WIPF1: variants seen among roughly 807,000 people sequenced by gnomAD.
WIPF1 encodes the protein WAS/WASL interacting protein family member 1.
Under a neutral mutation model 35.4 loss-of-function variants are expected in WIPF1, and 13 were observed. That is an observed-to-expected ratio of 0.37 (90% CI 0.24 to 0.58). The LOEUF (loss-of-function observed/expected upper bound fraction) is 0.58, where lower values mean the gene tolerates loss of function less well. Among genes scored for constraint, WIPF1 ranks in the 20% least tolerant of loss-of-function variants. The pLI, the probability that WIPF1 is intolerant of heterozygous loss-of-function variation, is 0.74. For missense variants in WIPF1, 591 were observed against 667.0 expected, an observed-to-expected ratio of 0.89 and a Z score of 1.25; for synonymous variants, 267 against 266.3, an observed-to-expected ratio of 1.00 and a Z score of -0.02.
At chr2:174,606,911 T>C (rs1295349913) in intron 1 of WIPF1, among the ~76,000 whole-genome samples, 1 of 152,112 alleles carries the variant, frequency 6.6e-6, no homozygotes, top group Non-Finnish European at 1.5e-5. Flanking sequence ...CCAGATACGG[T>C]TCTGGATGCT....
chr2:174,574,906 A>G (rs1574795467), intron 4 of WIPF1: 3 of 717,176 alleles, frequency 4.2e-6, no homozygotes, highest in South Asian at 1.5e-5. Flanking sequence ...AGCAAGTTCT[A>G]TTTGCTCCTC....
intron 1 of WIPF1, among the ~76,000 whole-genome samples, chr2:174,652,774 G>T (rs1159652245): frequency 2.0e-5 from 3 of 150,022 alleles, no homozygotes; most frequent in African/African-American, 7.4e-5. Flanking sequence ...TTTGCCTTAA[G>T]GTATGTAAAT....
intron 2 of WIPF1, among the ~76,000 whole-genome samples, chr2:174,582,531 C>G (rs891293748): frequency 2.0e-5 from 3 of 152,174 alleles, no homozygotes; most frequent in Admixed American, 6.5e-5. Context: ...TGGCTCAATA[C>G]CTTACCCAGC....
chr2:174,611,499 T>C (rs1180773258), intron 1 of WIPF1, among the ~76,000 whole-genome samples: 1 of 152,148 alleles, frequency 6.6e-6, no homozygotes, highest in East Asian at 1.9e-4. Flanking sequence ...GACTTTAAGG[T>C]GGTATCAGGA....
chr2:174,655,753 G>A (rs926319572), intron 1 of WIPF1: 1 of 152,468 alleles, frequency 6.6e-6, no homozygotes, highest in Non-Finnish European at 1.5e-5. Flanking sequence ...TTCCAGCCCA[G>A]ACTCACCACA....
chr2:174,638,126 G>A (rs1055652559), intron 1 of WIPF1, among the ~76,000 whole-genome samples: 7 of 151,342 alleles, frequency 4.6e-5, no homozygotes, highest in South Asian at 2.1e-4. Context: ...TAGCATGTGC[G>A]GACATTAAAA....
chr2:174,599,210 G>A (rs1685914019), upstream of WIPF1, among the ~76,000 whole-genome samples: 1 of 152,188 alleles, frequency 6.6e-6, no homozygotes, highest in Non-Finnish European at 1.5e-5. Context: ...GGGAATGGTG[G>A]GGGCAGGGGC....
In WIPF1 at chr2:174,581,147, A is replaced by G. The variant is rs569445614; in HGVS notation, c.181+163T>C. On this transcript the variant is annotated intron_variant, in intron 3 of 7. Transcript: ENST00000679041. ...GCAGCATTAGAGGGGAACCCAAGCC[A>G]AAGCTGCGGCCTACAGGGAGTGATA... 35 of 975,698 alleles carry G rather than the reference A, an allele frequency of 3.6e-5. No homozygotes were observed. In the South Asian group the frequency reaches 6.7e-4, roughly 19 times the overall value. 60.4% of individuals were successfully genotyped at this position (975,698 alleles called of 1,614,324 possible).
intron 1 of WIPF1, among the ~76,000 whole-genome samples, chr2:174,643,665 C>A (rs1687343911): frequency 6.6e-6 from 1 of 151,768 alleles, no homozygotes; most frequent in East Asian, 1.9e-4. Context: ...CCACCTTGGC[C>A]TCCCAAAGTT....
chr2:174,593,074 A>G (rs910735315), intron 1 of WIPF1, among the ~76,000 whole-genome samples: 2 of 152,096 alleles, frequency 1.3e-5, no homozygotes, highest in African/African-American at 2.4e-5. Context: ...AAGATGAAAA[A>G]AAAAAGCACT....
At chr2:174,669,061 T>C (rs888371777) in intron 1 of WIPF1, among the ~76,000 whole-genome samples, 7 of 152,344 alleles carry the variant, frequency 4.6e-5, no homozygotes, top group Middle Eastern at 3.4e-3. Context: ...GCATTTAGAA[T>C]TTTACCTGGT....
chr2:174,647,509 G>A (rs2105956305), intron 1 of WIPF1, among the ~76,000 whole-genome samples: 1 of 152,190 alleles, frequency 6.6e-6, no homozygotes, highest in Non-Finnish European at 1.5e-5. Flanking sequence ...GAGTAGCTGG[G>A]ATTACAGGCG....
chr2:174,624,626 G>T (rs1211918226), intron 1 of WIPF1, among the ~76,000 whole-genome samples: 1 of 152,198 alleles, frequency 6.6e-6, no homozygotes, highest in Non-Finnish European at 1.5e-5. Flanking sequence ...ATGAGGCACA[G>T]GCACTAACCA....
At chr2:174,572,923 C>T (rs1223877234) in intron 4 of WIPF1, among the ~76,000 whole-genome samples, 1 of 152,024 alleles carries the variant, frequency 6.6e-6, no homozygotes, top group African/African-American at 2.4e-5. Context: ...AATGTGAGGG[C>T]TTATCTAGTC....
At chr2:174,641,469 C>T (rs1687292382) in intron 1 of WIPF1, among the ~76,000 whole-genome samples, 1 of 152,200 alleles carries the variant, frequency 6.6e-6, no homozygotes, top group Non-Finnish European at 1.5e-5. Context: ...CAGGAGTCCC[C>T]TCTCTGTGGC....
intron 1 of WIPF1, among the ~76,000 whole-genome samples, chr2:174,661,026 A>G (rs114357951): frequency 1.5e-3 from 225 of 152,362 alleles, no homozygotes; most frequent in African/African-American, 4.9e-3. Flanking sequence ...AGGCATCTCA[A>G]TATCTTCCCT....
Position 174,597,609 on chromosome 2 carries a change from G to C in WIPF1, c.-47C>G, listed in dbSNP as rs1036694466. 1 of 152,594 alleles carries C rather than the reference G, an allele frequency of 6.6e-6. No individual in the cohort carries two copies. Among genetic ancestry groups the C allele is most frequent in the Non-Finnish European group, 1.5e-5 (1 of 68,040 alleles). The allele number at this position is 152,594 out of a possible 1,614,324, so 9.5% of individuals were successfully genotyped here. ...AATATAATTTTTCTTACCGTTAAAG[G>C]GTACTGCAGGGAGCCATGGTCAGGG... On this transcript the variant is annotated 5_prime_UTR_variant, in exon 1 of 8. Coordinates refer to ENST00000679041, the MANE Select transcript of WIPF1 (RefSeq NM_001375834.1).
intron 1 of WIPF1, among the ~76,000 whole-genome samples, chr2:174,641,864 A>G (rs1351551287): frequency 6.6e-6 from 1 of 152,234 alleles, no homozygotes; most frequent in East Asian, 1.9e-4. Flanking sequence ...TAATCCTGTG[A>G]GGTAGGTACT....
Position 174,617,869 on chromosome 2 carries a change from T to C in WIPF1, c.-38-32258A>G, listed in dbSNP as rs564185129. ...ATATCAGAAAGTAGACAAACTGCAA[T>C]GTGACCTGATGCAGAGGTGGAAAGG... On this transcript the variant is annotated intron_variant, in intron 1 of 8. Transcript: ENST00000272746. 9.2e-5 allele frequency among the ~76,000 whole-genome samples: 14 copies of C among 152,352 alleles called. No homozygotes were observed. In the South Asian group the frequency reaches 1.7e-3, roughly 18 times the overall value.
Sources: gnomAD v4.1 joint callset for allele counts (sites outside exome capture counted in the v4.1 genomes callset) on GRCh38, gnomAD v4.1.1 for gene constraint, MANE v1.5 for transcripts, NCBI Gene and HGNC (gene_info 2026-07-23, HGNC 2026-07-21) for gene names.